The following MYOF variants were observed in gnomAD, a reference collection of about 807,000 sequenced individuals.
MYOF encodes myoferlin.
A neutral mutation model predicts 284.2 loss-of-function variants in MYOF; 244 were observed. That is an observed-to-expected ratio of 0.86 (90% CI 0.77 to 0.95). The LOEUF (loss-of-function observed/expected upper bound fraction) is 0.95, where lower values mean the gene tolerates loss of function less well. Ranked by LOEUF, MYOF falls within the 40% of genes least tolerant of loss-of-function variation. MYOF has a pLI of 0.00. For synonymous variants in MYOF, 904 were observed against 919.7 expected, an observed-to-expected ratio of 0.98 and a Z score of 0.31; for missense variants, 2,496 against 2,560.6, an observed-to-expected ratio of 0.97 and a Z score of 0.54.
intron 3 of MYOF, among the ~76,000 whole-genome samples, chr10:93,439,857 A>C (rs2056190255): frequency 6.6e-6 from 1 of 152,220 alleles, no homozygotes; most frequent in African/African-American, 2.4e-5. Context: ...GGTGGGCATG[A>C]ATGAATAGAT....
At chr10:93,324,851 C>T (rs1400821862) in intron 46 of MYOF, among the ~76,000 whole-genome samples, 1 of 152,050 alleles carries the variant, frequency 6.6e-6, no homozygotes, top group Non-Finnish European at 1.5e-5. Context: ...GGGATCACGA[C>T]TCACTGCAAC....
chr10:93,442,133 C>A (rs1307008878), intron 3 of MYOF, among the ~76,000 whole-genome samples: 1 of 151,858 alleles, frequency 6.6e-6, no homozygotes, highest in Non-Finnish European at 1.5e-5. Flanking sequence ...AGCTGAGTGA[C>A]CTTTTACAAT....
chr10:93,370,919 C>T (rs1041692177), intron 24 of MYOF, among the ~76,000 whole-genome samples: 1 of 152,006 alleles, frequency 6.6e-6, no homozygotes, highest in Admixed American at 6.5e-5. Context: ...GAAAATAACT[C>T]TTTATTTGTT....
At chr10:93,434,258 C>T (rs1849005979) in intron 3 of MYOF, among the ~76,000 whole-genome samples, 1 of 151,832 alleles carries the variant, frequency 6.6e-6, no homozygotes, top group African/African-American at 2.4e-5. Context: ...TGGTGAAACC[C>T]CGTCTCTACT....
At chr10:93,394,446 GTCTTTTTTTTTT>G (rs1846870755) in intron 16 of MYOF, among the ~76,000 whole-genome samples, 2 of 33,484 alleles carry the variant, frequency 6.0e-5, no homozygotes, top group Non-Finnish European at 1.3e-4. Flanking sequence ...TCACCATCTT[GTCTTTTTTTTTT>G]TTTTTTTTTT....
chr10:93,330,921 C>A (rs1843268182), intron 43 of MYOF, among the ~76,000 whole-genome samples: 1 of 152,196 alleles, frequency 6.6e-6, no homozygotes, highest in African/African-American at 2.4e-5. Flanking sequence ...CCCCAAACAT[C>A]ACATTTCCAA....
chr10:93,317,181 C>T (rs1279139771), intron 49 of MYOF, among the ~76,000 whole-genome samples: 2 of 147,594 alleles, frequency 1.4e-5, no homozygotes, highest in South Asian at 2.3e-4. Flanking sequence ...TATCACCCAC[C>T]GGGGTGTCAC....
chr10:93,356,550 T>C (rs1460396875), intron 30 of MYOF, 125 bp downstream of exon 30: 1 of 1,037,910 alleles, frequency 9.6e-7, no homozygotes, highest in Non-Finnish European at 1.4e-6. Context: ...CCTCAACCTG[T>C]TAATATTTGC....
Position 93,344,869 on chromosome 10 carries a change from T to G in MYOF, c.4250-937A>C, listed in dbSNP as rs1318569157. On this transcript the variant is annotated intron_variant, in intron 37 of 53. Coordinates refer to ENST00000359263, the MANE Select transcript of MYOF (RefSeq NM_013451.4). ...AGCGTATGCAGAGGGAGAAGACACA[T>G]GCCCTGACTTTATGTACAATTCCCA... 2.0e-5 allele frequency among the ~76,000 whole-genome samples: 3 copies of G among 151,970 alleles called. No individual in the cohort carries two copies. In the East Asian group the frequency reaches 5.8e-4, roughly 30 times the overall value.
chr10:93,338,305 T>C, intron 39 of MYOF: 1 of 458,546 alleles, frequency 2.2e-6, no homozygotes, highest in Non-Finnish European at 4.4e-6. Flanking sequence ...TTCTTAGCCC[T>C]TTTAGCCAGT....
chr10:93,399,037 G>GC (rs1847153440), intron 13 of MYOF, among the ~76,000 whole-genome samples: 1 of 127,274 alleles, frequency 7.9e-6, no homozygotes, highest in African/African-American at 2.6e-5. Flanking sequence ...ACTGGGGGGG[G>GC]GTCTCTGTCC....
chr10:93,479,821 G>A (rs1006757777), intron 1 of MYOF, among the ~76,000 whole-genome samples: 14 of 152,262 alleles, frequency 9.2e-5, no homozygotes, highest in African/African-American at 2.9e-4. Flanking sequence ...TATGAAAAAA[G>A]GAGGCCAGAA....
intron 24 of MYOF, 34 bp downstream of exon 24, chr10:93,372,896 A>AGT: frequency 3.1e-6 from 5 of 1,612,398 alleles, no homozygotes; most frequent in Non-Finnish European, 4.2e-6. Context: ...TTTTGCATTT[A>AGT]GTGTGTTTCA....
intron 1 of MYOF, among the ~76,000 whole-genome samples, chr10:93,461,643 C>A (rs1179886392): frequency 1.3e-5 from 2 of 152,052 alleles, no homozygotes; most frequent in Non-Finnish European, 2.9e-5. Context: ...GAGGGAGAAC[C>A]AGTTATGTCA....
Position 93,406,703 on chromosome 10 carries a change from C to T in MYOF, c.729+2084G>A, listed in dbSNP as rs555742487. 3.3e-5 allele frequency among the ~76,000 whole-genome samples: 5 copies of T among 152,006 alleles called. No homozygotes were observed. The South Asian group carries it at 8.3e-4, about 25-fold the overall frequency. On this transcript the variant is annotated intron_variant, in intron 7 of 53. Coordinates refer to ENST00000359263, the MANE Select transcript of MYOF (RefSeq NM_013451.4). Reference sequence around the variant, plus strand: ...GTACTTGGCTGCCTGCTGTCGTCTGCGATTCCTTTGAGGGGAGAGGTTAGA... The same window carrying T: ...GTACTTGGCTGCCTGCTGTCGTCTGTGATTCCTTTGAGGGGAGAGGTTAGA...
At chr10:93,457,064 A>G in intron 1 of MYOF, 127 bp from the exon 2 acceptor site, 2 of 664,596 alleles carry the variant, frequency 3.0e-6, no homozygotes, top group Non-Finnish European at 5.1e-6. Flanking sequence ...TTCATCGCTT[A>G]GGATGGGTGT....
intron 44 of MYOF, 145 bp downstream of exon 44, chr10:93,329,519 A>G: frequency 1.2e-6 from 1 of 835,514 alleles, no homozygotes; most frequent in Non-Finnish European, 1.8e-6. Context: ...GAGATTCCCT[A>G]GAATAATCCT....
At chr10:93,318,016 A>T (rs1197994801) in intron 49 of MYOF, among the ~76,000 whole-genome samples, 1 of 152,138 alleles carries the variant, frequency 6.6e-6, no homozygotes, top group African/African-American at 2.4e-5. Flanking sequence ...CAAGCACCAC[A>T]GGGTGTGGGG....
Position 93,389,323 on chromosome 10 carries a change from T to C in MYOF, c.1457-169A>G, listed in dbSNP as rs72817292. 8.2e-3 allele frequency among the ~76,000 whole-genome samples: 1,245 copies of C among 152,360 alleles called. 9 individuals are homozygous for C. The highest frequency in any genetic ancestry group is 0.017 in the Middle Eastern group (5 of 294). ...GGTTTGCCATATTTCTCTTTTCTTATTGCTACATAAAATATTAAATAAAAA... is the reference window on the plus strand; with the variant it reads ...GGTTTGCCATATTTCTCTTTTCTTACTGCTACATAAAATATTAAATAAAAA... On this transcript the variant is annotated intron_variant, in intron 17 of 53. Transcript: ENST00000359263.
Sources: allele counts gnomAD v4.1 joint callset (sites outside exome capture counted in the v4.1 genomes callset), GRCh38; gene constraint gnomAD v4.1.1; transcripts MANE v1.5; gene names NCBI Gene and HGNC (gene_info 2026-07-23, HGNC 2026-07-21).